Variants in ATP11C observed in about 807,000 individuals in gnomAD.
ATP11C encodes the protein phospholipid-transporting ATPase IG.
In ATP11C, 36 loss-of-function variants were observed where a neutral mutation model predicts 97.4. The ratio of observed to expected loss-of-function variants is 0.37; its 90% confidence interval spans 0.28 to 0.49. The LOEUF (loss-of-function observed/expected upper bound fraction) is 0.49, where lower values mean the gene tolerates loss of function less well. ATP11C is among the 20% of genes least tolerant of loss of function. The pLI is 0.98. For missense variants in ATP11C, 730 were observed against 824.6 expected, an observed-to-expected ratio of 0.89 and a Z score of 1.40; for synonymous variants, 275 against 290.9, an observed-to-expected ratio of 0.95 and a Z score of 0.56.
intron 28 of ATP11C, among the ~76,000 whole-genome samples, chrX:139,733,662 C>A (rs1031995538): frequency 1.3e-4 from 14 of 111,528 alleles, no homozygotes; most frequent in African/African-American, 4.2e-4. Context: ...TTAATTGTTT[C>A]TATCTTCTAT....
At chrX:139,812,539 T>C (rs182700661) in intron 5 of ATP11C, among the ~76,000 whole-genome samples, 95 of 107,523 alleles carry the variant, frequency 8.8e-4, no homozygotes, top group African/African-American at 3.2e-3. Context: ...TTGTTGTTAC[T>C]GTTGTTGGTT....
intron 5 of ATP11C, among the ~76,000 whole-genome samples, chrX:139,814,272 G>GT (rs1475119952): frequency 9.0e-6 from 1 of 111,080 alleles, no homozygotes; most frequent in Non-Finnish European, 1.9e-5. Flanking sequence ...TACCTTGGAA[G>GT]TCTCTTATGT....
At chrX:139,840,340 A>AT (rs2083808506) in intron 1 of ATP11C, among the ~76,000 whole-genome samples, 1 of 112,576 alleles carries the variant, frequency 8.9e-6, no homozygotes, top group Non-Finnish European at 1.9e-5. Context: ...TTCATTAAAC[A>AT]TAATTTAATG....
chrX:139,927,438 C>T (rs1209671568), intron 1 of ATP11C, among the ~76,000 whole-genome samples: 1 of 110,657 alleles, frequency 9.0e-6, no homozygotes, highest in Non-Finnish European at 1.9e-5. Flanking sequence ...CCCGTTTCTA[C>T]TAAAAAATAC....
intron 1 of ATP11C, among the ~76,000 whole-genome samples, chrX:139,912,492 A>C (rs1449227153): frequency 1.8e-5 from 2 of 110,725 alleles, no homozygotes; most frequent in Non-Finnish European, 3.8e-5. Flanking sequence ...ATTTGCATAG[A>C]ATATTACATT....
chrX:139,912,854 G>A (rs963990424), intron 1 of ATP11C, among the ~76,000 whole-genome samples: 1 of 111,779 alleles, frequency 8.9e-6, no homozygotes, highest in Non-Finnish European at 1.9e-5. Flanking sequence ...AGGGATATAT[G>A]TTCTCCTGAT....
In ATP11C at chrX:139,728,763, G is replaced by A. The variant is rs986884361; in HGVS notation, c.*203C>T. 9.3e-6 allele frequency: 4 copies of A among 430,874 alleles called. No homozygotes were observed. The highest frequency in any genetic ancestry group is 1.6e-5 in the Non-Finnish European group (4 of 255,962). The allele number at this position is 430,874 out of a possible 1,213,427, so 35.5% of individuals were successfully genotyped here. A position where few individuals can be genotyped will look rare whatever the true frequency, so the allele number is the denominator to read the frequency against. ...GCCATAAAGGCTACTTACAATAATG[G>A]TAAATGCTTAAGAGAATCATTTGGT... On this transcript the variant is annotated 3_prime_UTR_variant, in exon 30 of 30. Coordinates refer to ENST00000682941, the MANE Select transcript of ATP11C (RefSeq NM_001353812.2).
At chrX:139,781,823 T>C (rs2082464999) in intron 18 of ATP11C, among the ~76,000 whole-genome samples, 1 of 112,374 alleles carries the variant, frequency 8.9e-6, no homozygotes, top group African/African-American at 3.2e-5. Flanking sequence ...TTGTTCACTC[T>C]ACCTTAAATT....
chrX:139,735,663 T>C (rs1166323828), intron 28 of ATP11C, among the ~76,000 whole-genome samples: 7 of 111,230 alleles, frequency 6.3e-5, no homozygotes, highest in Non-Finnish European at 5.7e-5. Context: ...TATAGCCAAA[T>C]AGGGCCTTAT....
intron 22 of ATP11C, 64 bp downstream of exon 22, chrX:139,761,897 C>T (rs1007327063): frequency 4.4e-5 from 37 of 832,423 alleles, no homozygotes; most frequent in Non-Finnish European, 5.4e-5. Context: ...AGAACAAAAC[C>T]ATGACCAAGC....
intron 25 of ATP11C, among the ~76,000 whole-genome samples, chrX:139,744,048 A>AT (rs765167931): frequency 4.1e-4 from 46 of 111,662 alleles, no homozygotes; most frequent in African/African-American, 1.5e-3. Flanking sequence ...AGACAAATGG[A>AT]TTCACATTTT....
At chrX:139,822,004 G>T (rs773016561) in intron 2 of ATP11C, among the ~76,000 whole-genome samples, 9 of 111,778 alleles carry the variant, frequency 8.1e-5, no homozygotes, top group African/African-American at 2.9e-4. Context: ...AAATTAACTT[G>T]TTTATCTAAA....
At chrX:139,834,336 T>C (rs2491006) in intron 1 of ATP11C, among the ~76,000 whole-genome samples, 21,977 of 110,586 alleles carry the variant, frequency 0.2, 3,841 homozygotes, top group African/African-American at 0.56. Context: ...TGATCTGACA[T>C]CCTGACAGTA....
intron 1 of ATP11C, among the ~76,000 whole-genome samples, chrX:139,864,259 A>G (rs1489312679): frequency 2.7e-5 from 3 of 111,895 alleles, no homozygotes; most frequent in Non-Finnish European, 5.6e-5. Context: ...CATTTAGTAT[A>G]CTTTACAGTG....
At chrX:139,765,006 C>T (rs981505634) in intron 20 of ATP11C, among the ~76,000 whole-genome samples, 3 of 111,773 alleles carry the variant, frequency 2.7e-5, no homozygotes, top group Non-Finnish European at 5.6e-5. Flanking sequence ...GGAAAAAATA[C>T]GCACCCAAGG....
At chrX:139,918,117 C>G (rs2085185633) in intron 1 of ATP11C, among the ~76,000 whole-genome samples, 1 of 111,236 alleles carries the variant, frequency 9.0e-6, no homozygotes, top group African/African-American at 3.3e-5. Flanking sequence ...CACAGAATTA[C>G]CACATGCACA....
chrX:139,853,245 G>A (rs899053066), intron 1 of ATP11C, among the ~76,000 whole-genome samples: 1 of 110,687 alleles, frequency 9.0e-6, no homozygotes, highest in East Asian at 2.9e-4. Flanking sequence ...CAGCATAAGC[G>A]GCTGGCAGAG....
intron 1 of ATP11C, among the ~76,000 whole-genome samples, chrX:139,855,534 C>A (rs1028283699): frequency 9.0e-6 from 1 of 111,646 alleles, no homozygotes; most frequent in Admixed American, 9.5e-5. Flanking sequence ...AAAGCGCCAC[C>A]CCCTCCAGAG....
At chrX:139,918,675 C>CA (rs59502861) in intron 1 of ATP11C, among the ~76,000 whole-genome samples, 160 of 41,013 alleles carry the variant, frequency 3.9e-3, no homozygotes, top group South Asian at 0.011. Context: ...AACCCCATTT[C>CA]AAAAAAAAAA....
Sources: allele counts gnomAD v4.1 joint callset (sites outside exome capture counted in the v4.1 genomes callset), GRCh38; gene constraint gnomAD v4.1.1; transcripts MANE v1.5; gene names NCBI Gene and HGNC (gene_info 2026-07-23, HGNC 2026-07-21).